The following EXTL3 variants were observed in gnomAD, a reference collection of about 807,000 sequenced individuals.
The protein encoded by EXTL3 is exostosin-like 3.
In EXTL3, 27 loss-of-function variants were observed where a neutral mutation model predicts 69.3. The ratio of observed to expected loss-of-function variants is 0.39; its 90% CI spans 0.29 to 0.54. The LOEUF (loss-of-function observed/expected upper bound fraction) is 0.54. Among genes scored for constraint, EXTL3 ranks in the 20% least tolerant of loss-of-function variants. The probability of loss-of-function intolerance (pLI) is 0.69; values close to 1 mark genes in which losing one functional copy is unlikely to be tolerated. For synonymous variants in EXTL3, 511 were observed against 499.4 expected (o/e 1.02, Z -0.31); for missense variants, 1,003 against 1,231.8 (o/e 0.81, Z 2.78).
intron 1 of EXTL3, among the ~76,000 whole-genome samples, chr8:28,691,604 T>C (rs1323769160): frequency 7.1e-6 from 1 of 141,042 alleles, no homozygotes; most frequent in Non-Finnish European, 1.5e-5. Flanking sequence ...TTCCTACTAA[T>C]ATGTAGATGT....
chr8:28,661,071 G>T (rs569487728), intron 1 of EXTL3, among the ~76,000 whole-genome samples: 1 of 151,214 alleles, frequency 6.6e-6, no homozygotes, highest in South Asian at 2.1e-4. Flanking sequence ...CTGCCACCAC[G>T]CCAGGCTAAT....
intron 1 of EXTL3, among the ~76,000 whole-genome samples, chr8:28,636,947 A>C (rs1806666069): frequency 2.1e-5 from 3 of 144,464 alleles, no homozygotes; most frequent in Non-Finnish European, 4.5e-5. Context: ...CCGCCATTGC[A>C]CTCTAGCCTG....
chr8:28,736,524 A>T (rs1801655368), intron 4 of EXTL3, among the ~76,000 whole-genome samples: 1 of 152,182 alleles, frequency 6.6e-6, no homozygotes, highest in African/African-American at 2.4e-5. Context: ...AAACATACTG[A>T]AGTCTCCATT....
intron 1 of EXTL3, among the ~76,000 whole-genome samples, chr8:28,702,198 C>A (rs565205672): frequency 1.3e-5 from 2 of 152,354 alleles, no homozygotes; most frequent in East Asian, 3.9e-4. Flanking sequence ...GCTGCCCTCC[C>A]CGCTGGCTCT....
At position 28,717,085 on chromosome 8, in the gene EXTL3, C is replaced by T. The variant is rs749618948; in HGVS notation, c.1026C>T (p.Leu342=). 4.3e-6 allele frequency: 7 copies of T among 1,614,240 alleles called. No homozygotes were observed. The South Asian group carries it at 6.6e-5, about 15-fold the overall frequency. ...PPQVPVKRKY[L]FTFQGEKIES... is the part of the protein sequence containing the mutation. ...AGGTGCCGGTGAAGCGGAAATATCT[C>T]TTCACCTTCCAGGGCGAGAAGATTG... The change falls in exon 3 of 7, where the codon CTC becomes CTT. Residue 342 remains leucine, a synonymous_variant. Transcript: ENST00000220562. This position sits in a 1 kb window ranked among gnomAD's most constrained non-coding sequence, Gnocchi z 8.3.
chr8:28,734,335 G>A (rs1460395017), intron 4 of EXTL3, among the ~76,000 whole-genome samples: 2 of 152,134 alleles, frequency 1.3e-5, no homozygotes, highest in African/African-American at 4.8e-5. Flanking sequence ...TAAGAAACCA[G>A]GCAGTTCATT....
At position 28,718,015 on chromosome 8, in the gene EXTL3, A is replaced by C; in HGVS notation, c.1956A>C (p.Ala652=). 2 of 1,613,610 alleles carry C rather than the reference A, an allele frequency of 1.2e-6. No individual in the cohort carries two copies. The highest frequency in any genetic ancestry group is 1.7e-6 in the Non-Finnish European group (2 of 1,179,908). The change falls in exon 3 of 7, where the codon GCA becomes GCC. Residue 652 remains alanine (A), a synonymous_variant. Coordinates refer to ENST00000220562, the MANE Select transcript of EXTL3 (RefSeq NM_001440.4). ...GAGGSGKEFQ[A]ALGGNVPREQ... ...GGGGTTCTGGCAAGGAATTTCAGGC[A>C]GCGCTTGGAGGCAATGTTCCCCGAG...
intron 1 of EXTL3, among the ~76,000 whole-genome samples, chr8:28,703,586 G>A (rs1800858162): frequency 6.6e-6 from 1 of 152,070 alleles, no homozygotes; most frequent in African/African-American, 2.4e-5. Flanking sequence ...GGAGTGATGC[G>A]GAGTCCTTGT....
chr8:28,622,699 A>C (rs1222844092), upstream of EXTL3: 1 of 43,080 alleles, frequency 2.3e-5, no homozygotes, highest in African/African-American at 7.7e-5. Flanking sequence ...CGGTGAGCCG[A>C]GGGCGGGGCC....
At chr8:28,756,281 A>G (rs1275357502), downstream of EXTL3, among the ~76,000 whole-genome samples, 3 of 152,108 alleles carry the variant, frequency 2.0e-5, no homozygotes, top group East Asian at 5.8e-4. Flanking sequence ...AGACATAGCC[A>G]ATGCTGATGG....
chr8:28,643,549 G>C (rs993895720), intron 1 of EXTL3, among the ~76,000 whole-genome samples: 3 of 151,580 alleles, frequency 2.0e-5, no homozygotes, highest in Non-Finnish European at 4.4e-5. Context: ...CGAGTAGCTG[G>C]GACTACAGGC....
chr8:28,641,027 A>G (rs146811714), intron 1 of EXTL3, among the ~76,000 whole-genome samples: 136 of 152,324 alleles, frequency 8.9e-4, no homozygotes, highest in African/African-American at 2.8e-3. Flanking sequence ...GTACATCTCA[A>G]TAGATTTTCA....
upstream of EXTL3, among the ~76,000 whole-genome samples, chr8:28,620,094 C>CGATCTCTTGACTTCGTGATCT (rs1806391259): frequency 1.0e-5 from 1 of 96,226 alleles, no homozygotes; most frequent in Admixed American, 1.1e-4. Flanking sequence ...AGGATGGTCT[C>CGATCTCTTGACTTCGTGATCT]GATCTCTTGA....
At chr8:28,650,763 A>G (rs1420332677) in intron 1 of EXTL3, among the ~76,000 whole-genome samples, 10 of 151,900 alleles carry the variant, frequency 6.6e-5, no homozygotes, top group Admixed American at 6.6e-4. Flanking sequence ...GGGCCCCTTT[A>G]GTTGATTGAT....
intron 3 of EXTL3, 145 bp from the exon 4 acceptor site, chr8:28,731,078 G>A (rs894126250): frequency 1.2e-5 from 10 of 861,398 alleles, no homozygotes; most frequent in Non-Finnish European, 1.5e-5. Flanking sequence ...ATTCCTGAAA[G>A]GCATATGCTA....
intron 3 of EXTL3, among the ~76,000 whole-genome samples, chr8:28,726,879 CTT>C (rs11458194): frequency 4.0e-5 from 4 of 99,942 alleles, no homozygotes; most frequent in African/African-American, 1.2e-4. Context: ...CTTTTCTTTT[CTT>C]TTTTTTTTTT....
intron 2 of EXTL3, among the ~76,000 whole-genome samples, chr8:28,609,614 G>C (rs1018909420): frequency 1.3e-5 from 2 of 152,004 alleles, no homozygotes; most frequent in Non-Finnish European, 2.9e-5. Context: ...GGCCAGGCAC[G>C]GTAGCTCATA....
chr8:28,630,982 T>C (rs993801015), intron 1 of EXTL3, among the ~76,000 whole-genome samples: 1 of 152,212 alleles, frequency 6.6e-6, no homozygotes, highest in Non-Finnish European at 1.5e-5. Flanking sequence ...ATCAAAGCAG[T>C]GAAGCAGAAA....
intron 1 of EXTL3, among the ~76,000 whole-genome samples, chr8:28,703,303 G>A (rs1283523341): frequency 6.6e-6 from 1 of 152,188 alleles, no homozygotes; most frequent in African/African-American, 2.4e-5. Context: ...CGCTTTTCTA[G>A]TGGGGGAAAA....
Sources: gnomAD v4.1 joint callset for allele counts (sites outside exome capture counted in the v4.1 genomes callset) on GRCh38, gnomAD v4.1.1 for gene constraint, Gnocchi (gnomAD v3.1) non-coding constraint, MANE v1.5 for transcripts, NCBI Gene and HGNC (gene_info 2026-07-23, HGNC 2026-07-21) for gene names.